Variants in OCIAD1 observed in about 807,000 individuals in gnomAD.
OCIAD1 encodes the protein OCIA domain containing 1, also known as OCIA domain-containing protein 1.
OCIAD1 carries 29 observed loss-of-function variants against 38.9 expected under a neutral mutation model. The ratio of observed to expected loss-of-function variants is 0.74; its 90% CI spans 0.55 to 1.02. OCIAD1 has a LOEUF of 1.02. OCIAD1 is among the 50% of genes least tolerant of loss of function. The pLI is 0.00. For missense variants in OCIAD1, 288 were observed against 289.6 expected, an observed-to-expected ratio of 0.99 and a Z score of 0.04; for synonymous variants, 110 against 92.0, an observed-to-expected ratio of 1.20 and a Z score of -1.12.
At chr4:48,829,578 GTGAC>G (rs1392852933), upstream of OCIAD1, among the ~76,000 whole-genome samples, 2 of 152,180 alleles carry the variant, frequency 1.3e-5, no homozygotes, top group Non-Finnish European at 2.9e-5. Flanking sequence ...AACATGGAGA[GTGAC>G]TGGGGTGCCA....
chr4:48,857,229 TGAA>T lies in OCIAD1; in HGVS notation c.568_570del (p.Glu190del). ...TTGTTTTAGGACCTGATCCCAACCT[TGAA>T]GAAAGTCCTAAAAGAAAAAATATTA... On this transcript the variant is annotated inframe_deletion, in exon 8 of 9. Transcript: ENST00000264312. 1 of 1,550,176 alleles carries T rather than the reference TGAA, an allele frequency of 6.5e-7. No individual in the cohort carries two copies. The highest frequency in any genetic ancestry group is 1.8e-4 in the Middle Eastern group (1 of 5,664).
intron 1 of OCIAD1, among the ~76,000 whole-genome samples, chr4:48,817,544 AC>A (rs1489945464): frequency 6.6e-6 from 1 of 151,956 alleles, no homozygotes; most frequent in Non-Finnish European, 1.5e-5. Flanking sequence ...ATTTTTTCAT[AC>A]CCCAGTGGGG....
intron 1 of OCIAD1, among the ~76,000 whole-genome samples, chr4:48,824,656 C>T (rs912147792): frequency 1.3e-5 from 2 of 152,070 alleles, no homozygotes; most frequent in African/African-American, 4.8e-5. Flanking sequence ...TGTGAACCAC[C>T]CACTGCACTG....
intron 3 of OCIAD1, among the ~76,000 whole-genome samples, chr4:48,838,004 C>G (rs1778160193): frequency 6.6e-6 from 1 of 152,040 alleles, no homozygotes; most frequent in South Asian, 2.1e-4. Flanking sequence ...TGCATTAAAA[C>G]AGATAAATCA....
Position 48,833,408 on chromosome 4 carries a change from G to A in OCIAD1, c.66G>A (p.Gly22=), listed in dbSNP as rs144906055. 10 of 1,586,020 alleles carry A rather than the reference G, an allele frequency of 6.3e-6. No individual in the cohort carries two copies. In the South Asian group the frequency reaches 6.7e-5, roughly 11 times the overall value. ...AEVPRPIPHI[G]PDYIPTEEER... is the part of the protein sequence containing the mutation. ...ATTTTCCCTGGTAAAAAGACATAGG[G>A]CCTGATTACATTCCAACAGAGGAAG... is the stretch of plus-strand genomic sequence containing the variant. Residue 22 remains glycine, a synonymous_variant, in exon 3 of 9, where the codon GGG becomes GGA. Coordinates refer to ENST00000264312, the MANE Select transcript of OCIAD1 (RefSeq NM_017830.4).
At chr4:48,859,924 G>A (rs1226014530) in intron 8 of OCIAD1, among the ~76,000 whole-genome samples, 2 of 152,108 alleles carry the variant, frequency 1.3e-5, no homozygotes, top group African/African-American at 2.4e-5. Context: ...TACTCATGAG[G>A]GAATGAGAGC....
Position 48,831,168 on chromosome 4 carries a change from C to T in OCIAD1, c.-87C>T, listed in dbSNP as rs1777446656. The T allele has an allele frequency of 6.2e-6, 2 of 320,482 alleles. No individual in the cohort carries two copies. Among genetic ancestry groups the T allele is most frequent in the South Asian group, 2.4e-5 (1 of 40,996 alleles). 19.9% of individuals were successfully genotyped at this position (320,482 alleles called of 1,614,324 possible). On this transcript the variant is annotated 5_prime_UTR_variant, in exon 1 of 9. Transcript: ENST00000264312. ...TACCTTGCACTTTTCTCCCTCCCTGCCCCCTCTCGAGTCCACCCTCCGGGC... is the reference window on the plus strand; with the variant it reads ...TACCTTGCACTTTTCTCCCTCCCTGTCCCCTCTCGAGTCCACCCTCCGGGC...
intron 4 of OCIAD1, among the ~76,000 whole-genome samples, chr4:48,844,694 C>A (rs1159151515): frequency 6.6e-6 from 1 of 152,032 alleles, no homozygotes; most frequent in East Asian, 1.9e-4. Flanking sequence ...TAATCAAAAT[C>A]CCTGACATTT....
chr4:48,810,894 C>CTTTTTTTTT (rs869120091), intron 1 of OCIAD1, among the ~76,000 whole-genome samples: 6 of 64,232 alleles, frequency 9.3e-5, no homozygotes, highest in African/African-American at 1.9e-4. Flanking sequence ...TTCTTTCTTT[C>CTTTTTTTTT]TTTTTTTTTT....
intron 1 of OCIAD1, among the ~76,000 whole-genome samples, chr4:48,816,468 G>A (rs1482187735): frequency 6.6e-6 from 1 of 151,610 alleles, no homozygotes; most frequent in Non-Finnish European, 1.5e-5. Flanking sequence ...GGGAGGCGGA[G>A]GTTGCAGTGA....
At chr4:48,853,322 T>C (rs1779713497) in intron 7 of OCIAD1, among the ~76,000 whole-genome samples, 1 of 152,218 alleles carries the variant, frequency 6.6e-6, no homozygotes, top group Non-Finnish European at 1.5e-5. Context: ...TATTTCATTA[T>C]AGAAATATTA....
intron 1 of OCIAD1, among the ~76,000 whole-genome samples, chr4:48,807,185 T>C (rs1022823369): frequency 2.6e-5 from 4 of 152,070 alleles, no homozygotes; most frequent in African/African-American, 9.7e-5. Context: ...GGGACTACAG[T>C]GCTTATGAAT....
At chr4:48,838,544 C>T (rs886849798) in intron 3 of OCIAD1, among the ~76,000 whole-genome samples, 3 of 152,122 alleles carry the variant, frequency 2.0e-5, no homozygotes, top group Admixed American at 6.5e-5. Flanking sequence ...GGAAGTTCAA[C>T]GTATAATTAT....
intron 1 of OCIAD1, among the ~76,000 whole-genome samples, chr4:48,819,509 G>T (rs1175720998): frequency 6.6e-6 from 1 of 151,890 alleles, no homozygotes; most frequent in Non-Finnish European, 1.5e-5. Context: ...AAAATAACCA[G>T]CTAACATTAT....
chr4:48,833,513 ATCC>A, intron 3 of OCIAD1, 32 bp downstream of exon 3: 1 of 1,371,956 alleles, frequency 7.3e-7, no homozygotes, highest in Non-Finnish European at 1.0e-6. Context: ...ATATAATTTG[ATCC>A]AAAATTTGTA....
In OCIAD1 at chr4:48,840,790, A is replaced by T. The variant is rs542729150; in HGVS notation, c.140-1846A>T. Among the ~76,000 whole-genome samples, 228 of 151,334 alleles carry T rather than the reference A, an allele frequency of 1.5e-3. 1 individual carries two copies. Among genetic ancestry groups the T allele is most frequent in the African/African-American group, 5.3e-3 (220 of 41,262 alleles). ...GGTGGGCTGATTACTTGAACCAAGG[A>T]GATCGAGACCAGCCTGGGCAACTTG... On this transcript the variant is annotated intron_variant, in intron 3 of 8. Transcript: ENST00000264312.
At chr4:48,819,276 T>C (rs1451978754) in intron 1 of OCIAD1, among the ~76,000 whole-genome samples, 2 of 151,156 alleles carry the variant, frequency 1.3e-5, no homozygotes, top group Admixed American at 1.3e-4. Context: ...ACATTCAGCA[T>C]CCTTAATATC....
chr4:48,858,520 C>T (rs1370024506), intron 8 of OCIAD1, among the ~76,000 whole-genome samples: 1 of 152,168 alleles, frequency 6.6e-6, no homozygotes, highest in Middle Eastern at 3.2e-3. Flanking sequence ...GTGGTGTAAT[C>T]ATGGCTTACT....
intron 8 of OCIAD1, among the ~76,000 whole-genome samples, chr4:48,857,626 C>T (rs530895744): frequency 3.2e-4 from 49 of 151,838 alleles, no homozygotes; most frequent in African/African-American, 1.1e-3. Flanking sequence ...TTCAAGCAAT[C>T]CTCCTGCCTC....
Sources: gnomAD v4.1 joint callset for allele counts (sites outside exome capture counted in the v4.1 genomes callset) on GRCh38, gnomAD v4.1.1 for gene constraint, MANE v1.5 for transcripts, NCBI Gene and HGNC (gene_info 2026-07-23, HGNC 2026-07-21) for gene names.